The following NFATC1 variants were observed in gnomAD, a reference collection of about 807,000 sequenced individuals.
NFATC1 encodes nuclear factor of activated T-cells, cytoplasmic 1.
In NFATC1, 22 loss-of-function variants were observed where a neutral mutation model predicts 76.0. The ratio of observed to expected loss-of-function variants is 0.29; its 90% CI spans 0.21 to 0.41. NFATC1 has a LOEUF of 0.41. Among genes scored for constraint, NFATC1 ranks in the 10% least tolerant of loss-of-function variants. The probability of loss-of-function intolerance (pLI) is 1.00; values close to 1 mark genes in which losing one functional copy is unlikely to be tolerated. For synonymous variants in NFATC1, 704 were observed against 613.1 expected (o/e 1.15, Z -2.19); for missense variants, 1,357 against 1,337.7 (o/e 1.01, Z -0.23).
chr18:79,455,557 C>T (rs865833273), intron 6 of NFATC1, among the ~76,000 whole-genome samples: 1 of 152,198 alleles, frequency 6.6e-6, no homozygotes, highest in Non-Finnish European at 1.5e-5. Flanking sequence ...ACCCCAGGGG[C>T]CCTGCCCTGG....
In NFATC1 at chr18:79,487,557, C is replaced by T. The variant is rs114298577; in HGVS notation, c.2782+620C>T. Among the ~76,000 whole-genome samples the T allele has an allele frequency of 1.8e-3, 281 of 152,350 alleles. 1 individual carries two copies. Among genetic ancestry groups the T allele is most frequent in the African/African-American group, 5.7e-3 (237 of 41,580 alleles). ...CACAGCGCGGAGATGCACCCAACACCGCACACCTGGGGTTGTTAGGGAAGG... is the reference window on the plus strand; with the variant it reads ...CACAGCGCGGAGATGCACCCAACACTGCACACCTGGGGTTGTTAGGGAAGG... On this transcript the variant is annotated intron_variant, in intron 9 of 9. Transcript: ENST00000427363.
chr18:79,396,189 C>A lies in NFATC1; in HGVS notation c.-36C>A. 6.9e-7 allele frequency: 1 copy of A among 1,440,460 alleles called. No homozygotes were observed. Among genetic ancestry groups the A allele is most frequent in the South Asian group, 1.3e-5 (1 of 76,290 alleles). The allele number at this position is 1,440,460 out of a possible 1,614,324, so 89.2% of individuals were successfully genotyped here. A position where few individuals can be genotyped will look rare whatever the true frequency, so the allele number is the denominator to read the frequency against. On this transcript the variant is annotated 5_prime_UTR_variant, in exon 1 of 10. Coordinates refer to ENST00000427363, the MANE Select transcript of NFATC1 (RefSeq NM_001278669.2). ...CGGGGCGGCCGCTTCTCCTGTGCCTCCGCCCGCCGCTCCACTCCCCGCCGC... is the reference window on the plus strand; with the variant it reads ...CGGGGCGGCCGCTTCTCCTGTGCCTACGCCCGCCGCTCCACTCCCCGCCGC...
Position 79,435,717 on chromosome 18 carries a change from C to T in NFATC1, c.1386+1979C>T, listed in dbSNP as rs930855724. On this transcript the variant is annotated intron_variant, in intron 3 of 9. Transcript: ENST00000427363. ...GAGAGGATCCAGGTGTTCTGGAGGA[C>T]TCAGGAAACTTGAAACAGTAATTAA... 3.9e-5 allele frequency among the ~76,000 whole-genome samples: 6 copies of T among 152,294 alleles called. No individual in the cohort carries two copies. In the East Asian group the frequency reaches 1.2e-3, roughly 29 times the overall value.
intron 2 of NFATC1, chr18:79,421,210 C>T (rs1292163853): frequency 6.6e-6 from 1 of 152,286 alleles, no homozygotes; most frequent in African/African-American, 2.4e-5. Context: ...CCCTCTGACC[C>T]CCATCACGGC....
intron 8 of NFATC1, among the ~76,000 whole-genome samples, chr18:79,478,696 C>T (rs11664856): frequency 6.6e-6 from 1 of 152,146 alleles, no homozygotes; most frequent in Non-Finnish European, 1.5e-5. Flanking sequence ...TCACTGCCTG[C>T]GTCTGTGGCC....
chr18:79,523,236 A>G (rs1477626799), intron 9 of NFATC1, among the ~76,000 whole-genome samples: 3 of 152,266 alleles, frequency 2.0e-5, no homozygotes, highest in Non-Finnish European at 4.4e-5. Flanking sequence ...GCATTCAGAA[A>G]TGCAGAAAAA....
chr18:79,396,800 C>A (rs1281904798), intron 1 of NFATC1, among the ~76,000 whole-genome samples: 1 of 151,948 alleles, frequency 6.6e-6, no homozygotes, highest in Non-Finnish European at 1.5e-5. Flanking sequence ...GTTCTGCGCC[C>A]CCCACCCCCA....
chr18:79,476,685 C>G (rs1396520762), intron 8 of NFATC1, among the ~76,000 whole-genome samples: 1 of 152,196 alleles, frequency 6.6e-6, no homozygotes, highest in Non-Finnish European at 1.5e-5. Context: ...AGGGAATTCT[C>G]TCACCCCGAC....
At chr18:79,423,079 T>A (rs1420450354) in intron 2 of NFATC1, among the ~76,000 whole-genome samples, 3 of 151,222 alleles carry the variant, frequency 2.0e-5, no homozygotes, top group Non-Finnish European at 4.4e-5. Flanking sequence ...GCTCACGAGA[T>A]ACAGGGGTGG....
At chr18:79,396,584 G>A (rs1390661958) in intron 1 of NFATC1, among the ~76,000 whole-genome samples, 2 of 152,170 alleles carry the variant, frequency 1.3e-5, no homozygotes, top group Non-Finnish European at 2.9e-5. Flanking sequence ...CTGCCCCAGC[G>A]CTGAGGGCGC....
intron 3 of NFATC1, among the ~76,000 whole-genome samples, chr18:79,441,847 A>G (rs979417015): frequency 1.3e-5 from 2 of 151,822 alleles, no homozygotes; most frequent in African/African-American, 4.8e-5. Flanking sequence ...TCTCCATAGA[A>G]GGTCGAGGTT....
intron 1 of NFATC1, among the ~76,000 whole-genome samples, chr18:79,409,083 C>G (rs1208725046): frequency 1.0e-4 from 9 of 87,152 alleles, no homozygotes; most frequent in African/African-American, 2.9e-4. Context: ...CATTCATCAT[C>G]CATCCATCCA....
intron 2 of NFATC1, among the ~76,000 whole-genome samples, chr18:79,420,627 GGT>G: frequency 6.6e-6 from 1 of 152,054 alleles, no homozygotes; most frequent in African/African-American, 2.4e-5. Flanking sequence ...GAGGGGAAGA[GGT>G]GGATGCGTTT....
intron 2 of NFATC1, among the ~76,000 whole-genome samples, chr18:79,411,832 C>T (rs1040852152): frequency 1.1e-4 from 16 of 152,248 alleles, no homozygotes; most frequent in Non-Finnish European, 1.6e-4. Context: ...GCCCTGCTGG[C>T]GGTCAGGGCT....
intron 8 of NFATC1, among the ~76,000 whole-genome samples, chr18:79,478,014 G>A (rs1346731807): frequency 6.6e-6 from 1 of 152,100 alleles, no homozygotes; most frequent in Non-Finnish European, 1.5e-5. Context: ...GAGGGGACAC[G>A]AGTCCGTCCA....
chr18:79,443,857 G>T (rs952355826), intron 3 of NFATC1, among the ~76,000 whole-genome samples: 1 of 152,238 alleles, frequency 6.6e-6, no homozygotes, highest in Non-Finnish European at 1.5e-5. Context: ...TCTGGGAAGG[G>T]CTGTGCCACA....
At chr18:79,474,614 C>CATT (rs2088961657) in intron 8 of NFATC1, among the ~76,000 whole-genome samples, 2 of 146,778 alleles carry the variant, frequency 1.4e-5, no homozygotes, top group South Asian at 2.2e-4. Context: ...TCACTGTTGA[C>CATT]GTAAACCTGA....
At chr18:79,489,614 T>A (rs181083721) in intron 9 of NFATC1, among the ~76,000 whole-genome samples, 1 of 152,256 alleles carries the variant, frequency 6.6e-6, no homozygotes, top group East Asian at 1.9e-4. Context: ...GCCGTGGTGA[T>A]CCTCCCCAAA....
intron 8 of NFATC1, among the ~76,000 whole-genome samples, chr18:79,471,524 G>A (rs2088786964): frequency 6.6e-6 from 1 of 152,202 alleles, no homozygotes; most frequent in Admixed American, 6.5e-5. Context: ...TCGGTTACCT[G>A]GAAACGCTCC....
Sources: allele counts gnomAD v4.1 joint callset (sites outside exome capture counted in the v4.1 genomes callset), GRCh38; gene constraint gnomAD v4.1.1; transcripts MANE v1.5; gene names NCBI Gene and HGNC (gene_info 2026-07-23, HGNC 2026-07-21).